CSMD3: variants seen among roughly 807,000 people sequenced by gnomAD.
CSMD3 encodes CUB and Sushi multiple domains 3, also known as CUB and sushi domain-containing protein 3.
Under a neutral mutation model 435.2 loss-of-function variants are expected in CSMD3, and 177 were observed. The observed-to-expected ratio is 0.41, with a 90% CI of 0.36 to 0.46. The LOEUF is 0.46. Ranked by LOEUF, CSMD3 falls within the 20% of genes least tolerant of loss-of-function variation. The probability of loss-of-function intolerance (pLI) is 0.34; values close to 1 mark genes in which losing one functional copy is unlikely to be tolerated. For synonymous variants in CSMD3, 1,656 were observed against 1,520.5 expected (o/e 1.09, Z -2.07); for missense variants, 4,265 against 4,504.6 (o/e 0.95, Z 1.52).
chr8:112,488,465 C>T (rs892664711), intron 31 of CSMD3, among the ~76,000 whole-genome samples: 9 of 152,044 alleles, frequency 5.9e-5, no homozygotes, highest in African/African-American at 2.2e-4. Context: ...TGCTTCTACA[C>T]TAAAAAAATA....
At chr8:112,796,084 A>G (rs1208025284) in intron 13 of CSMD3, among the ~76,000 whole-genome samples, 2 of 152,046 alleles carry the variant, frequency 1.3e-5, no homozygotes, top group Non-Finnish European at 2.9e-5. Flanking sequence ...AGCTAAGGGG[A>G]GCTCAGTAAT....
chr8:113,237,160 T>G (rs1453729882), intron 3 of CSMD3, among the ~76,000 whole-genome samples: 1 of 152,160 alleles, frequency 6.6e-6, no homozygotes, highest in African/African-American at 2.4e-5. Flanking sequence ...TAACATGAAA[T>G]AACATTTTTA....
At chr8:112,524,284 T>A (rs1824623638) in intron 27 of CSMD3, among the ~76,000 whole-genome samples, 1 of 151,824 alleles carries the variant, frequency 6.6e-6, no homozygotes, top group Non-Finnish European at 1.5e-5. Context: ...ACAGAAAATA[T>A]GAGTTGATTT....
At chr8:113,185,748 C>CGT (rs1033966079) in intron 3 of CSMD3, among the ~76,000 whole-genome samples, 1 of 151,650 alleles carries the variant, frequency 6.6e-6, no homozygotes, top group African/African-American at 2.4e-5. Context: ...TGTGTGCATG[C>CGT]GTGTGTGTGT....
intron 31 of CSMD3, among the ~76,000 whole-genome samples, chr8:112,489,242 A>G (rs1300223329): frequency 2.0e-5 from 3 of 152,044 alleles, no homozygotes; most frequent in African/African-American, 7.2e-5. Context: ...ACATAGTGAG[A>G]CACTGTCTCT....
intron 7 of CSMD3, among the ~76,000 whole-genome samples, chr8:112,967,012 G>A (rs2130890602): frequency 6.6e-6 from 1 of 151,944 alleles, no homozygotes; most frequent in Non-Finnish European, 1.5e-5. Flanking sequence ...CTTCATCTAA[G>A]TTCTTGCTAC....
At chr8:112,897,698 G>C (rs201209192) in intron 10 of CSMD3, among the ~76,000 whole-genome samples, 1,495 of 40,500 alleles carry the variant, frequency 0.037, 14 homozygotes, top group East Asian at 0.087. Context: ...CTCTCTCTGT[G>C]TGTGTGTGTG....
intron 42 of CSMD3, among the ~76,000 whole-genome samples, chr8:112,338,009 T>C (rs1824740551): frequency 1.3e-5 from 2 of 152,208 alleles, no homozygotes; most frequent in African/African-American, 4.8e-5. Context: ...TTAATGAAAA[T>C]GTAAACTCTT....
intron 28 of CSMD3, among the ~76,000 whole-genome samples, chr8:112,513,774 AAG>A: frequency 6.6e-6 from 1 of 152,310 alleles, no homozygotes; most frequent in East Asian, 1.9e-4. Context: ...ATATGCAAAA[AAG>A]ACCAGAATGA....
chr8:112,279,697 T>C (rs1818442623), intron 59 of CSMD3, among the ~76,000 whole-genome samples: 1 of 152,122 alleles, frequency 6.6e-6, no homozygotes, highest in Non-Finnish European at 1.5e-5. Context: ...TAAAAAATAA[T>C]TGGCATGGGA....
At chr8:112,399,641 AT>A (rs374556940) in intron 35 of CSMD3, among the ~76,000 whole-genome samples, 256 of 152,174 alleles carry the variant, frequency 1.7e-3, no homozygotes, top group African/African-American at 5.8e-3. Flanking sequence ...TTGCTTAGAT[AT>A]TTTCTCAGCC....
At chr8:113,280,624 T>A (rs769316271) in intron 2 of CSMD3, among the ~76,000 whole-genome samples, 1 of 151,960 alleles carries the variant, frequency 6.6e-6, no homozygotes, top group Non-Finnish European at 1.5e-5. Context: ...GTTTCATTTA[T>A]CTTTTGTAAT....
intron 6 of CSMD3, among the ~76,000 whole-genome samples, chr8:112,978,264 C>T (rs1363806982): frequency 6.6e-6 from 1 of 151,924 alleles, no homozygotes; most frequent in Non-Finnish European, 1.5e-5. Flanking sequence ...AGCACGCCTA[C>T]CTTTACCAAA....
intron 12 of CSMD3, among the ~76,000 whole-genome samples, chr8:112,820,043 T>A (rs1220789956): frequency 6.6e-6 from 1 of 152,136 alleles, no homozygotes; most frequent in Non-Finnish European, 1.5e-5. Flanking sequence ...TTCATTTACT[T>A]AATTATCCAA....
intron 24 of CSMD3, among the ~76,000 whole-genome samples, chr8:112,563,000 A>G (rs991334655): frequency 2.0e-5 from 3 of 151,826 alleles, no homozygotes; most frequent in Admixed American, 6.6e-5. Flanking sequence ...ATTGACCATT[A>G]AATACTCTGG....
chr8:113,415,094 T>A (rs969816816), intron 1 of CSMD3, among the ~76,000 whole-genome samples: 3 of 152,190 alleles, frequency 2.0e-5, no homozygotes, highest in African/African-American at 7.2e-5. Flanking sequence ...GAAGAAGCTA[T>A]GTTGCAATTT....
rs936771871 is a variant in CSMD3, at chr8:113,278,560, G to A, written c.514+32C>T. ...AAAATTTTGTTAGATTACATTAAGGGCAGTGGTTTGTTTGCCACTACCATC... is the reference window on the plus strand; with the variant it reads ...AAAATTTTGTTAGATTACATTAAGGACAGTGGTTTGTTTGCCACTACCATC... On this transcript the variant is annotated intron_variant, in intron 3 of 70. Transcript: ENST00000297405. 4 of 984,902 alleles carry A rather than the reference G, an allele frequency of 4.1e-6. No homozygotes were observed. In the African/African-American group the frequency reaches 4.8e-5, roughly 12 times the overall value. The allele number at this position is 984,902 out of a possible 1,614,324, so 61.0% of individuals were successfully genotyped here.
chr8:112,255,480 A>C (rs7006723), intron 61 of CSMD3, 53 bp from the exon 62 acceptor site: 3 of 1,505,098 alleles, frequency 2.0e-6, no homozygotes, highest in African/African-American at 2.8e-5. Context: ...ACAGCAGAGT[A>C]CACAGTTTGG....
At chr8:113,376,551 T>C in intron 1 of CSMD3, 1 of 617,640 alleles carries the variant, frequency 1.6e-6, no homozygotes, top group South Asian at 1.9e-5. Context: ...TATTTATGCG[T>C]TTGTTGTCCA....
Sources: gnomAD v4.1 joint callset for allele counts (sites outside exome capture counted in the v4.1 genomes callset) on GRCh38, gnomAD v4.1.1 for gene constraint, MANE v1.5 for transcripts, NCBI Gene and HGNC (gene_info 2026-07-23, HGNC 2026-07-21) for gene names.